The following NUDT10 variants were observed in gnomAD, a reference collection of about 807,000 sequenced individuals.
The protein encoded by NUDT10 is diphosphoinositol polyphosphate phosphohydrolase 3-alpha.
Under a neutral mutation model 10.5 loss-of-function variants are expected in NUDT10, and 2 were observed. The observed-to-expected ratio is 0.19, with a 90% CI of 0.08 to 0.60. NUDT10 has a LOEUF of 0.60. Ranked by LOEUF, NUDT10 falls within the 20% of genes least tolerant of loss-of-function variation. The pLI is 0.89. For synonymous variants in NUDT10, 53 were observed against 71.8 expected, an observed-to-expected ratio of 0.74 and a Z score of 1.32; for missense variants, 75 against 149.5, an observed-to-expected ratio of 0.50 and a Z score of 2.60.
At chrX:51,333,894 G>T (rs1602071366) in intron 1 of NUDT10, among the ~76,000 whole-genome samples, 2 of 110,223 alleles carry the variant, frequency 1.8e-5, no homozygotes, top group South Asian at 8.0e-4. Context: ...GGTTTGTTTG[G>T]TAGTGGAGGC....
chrX:51,334,870 C>CT (rs1276910354), intron 1 of NUDT10, among the ~76,000 whole-genome samples: 6 of 108,090 alleles, frequency 5.6e-5, no homozygotes, highest in South Asian at 4.0e-4. Context: ...GGTCCCTTAA[C>CT]TTTTTTTTTT....
At chrX:51,333,749 C>CGGGGGGGGGGGGGGGGG (rs1252405750) in intron 1 of NUDT10, among the ~76,000 whole-genome samples, 2 of 12,486 alleles carry the variant, frequency 1.6e-4, no homozygotes, top group African/African-American at 3.5e-4. Context: ...TGCTTTTGGG[C>CGGGGGGGGGGGGGGGGG]GGGGGGGGGG....
chrX:51,336,170 A>G (rs1986364844), intron 1 of NUDT10, 69 bp from the exon 2 acceptor site: 1 of 534,387 alleles, frequency 1.9e-6, no homozygotes, highest in Non-Finnish European at 3.4e-6. Flanking sequence ...TAGGTGCTCA[A>G]TAAGTATTTG....
intron 1 of NUDT10, among the ~76,000 whole-genome samples, chrX:51,333,760 GGGGT>G (rs1922756856): frequency 1.5e-5 from 1 of 68,648 alleles, no homozygotes; most frequent in Admixed American, 1.6e-4. Flanking sequence ...GGGGGGGGGG[GGGGT>G]GGGGGGCGAG....
At chrX:51,332,394 G>A (rs1485567436), upstream of NUDT10, 1 of 113,705 alleles carries the variant, frequency 8.8e-6, no homozygotes, top group African/African-American at 3.2e-5. Context: ...GGCACACATG[G>A]AGGCAGTCTT....
In NUDT10 at chrX:51,336,835, C is replaced by T. The variant is rs979311223; in HGVS notation, c.*596C>T. The T allele has an allele frequency of 1.8e-5, 2 of 111,977 alleles. No individual in the cohort carries two copies. The highest frequency in any genetic ancestry group is 6.5e-5 in the African/African-American group (2 of 30,818). The allele number at this position is 111,977 out of a possible 1,213,427, so 9.2% of individuals were successfully genotyped here. ...ATTTGCAAAGCCAGGCACAGTGTTA[C>T]GCGTCTGCCTCAGGAGGCTGAGGCA... On this transcript the variant is annotated 3_prime_UTR_variant, in exon 2 of 2. Coordinates refer to ENST00000356450, the MANE Select transcript of NUDT10 (RefSeq NM_001304963.2).
At chrX:51,334,355 C>G (rs1242648600) in intron 1 of NUDT10, among the ~76,000 whole-genome samples, 2 of 112,167 alleles carry the variant, frequency 1.8e-5, no homozygotes, top group Non-Finnish European at 3.8e-5. Flanking sequence ...TTGCCCCTTA[C>G]TGGATACCAT....
Position 51,332,828 on chromosome X carries a change from C to T in NUDT10, c.-138C>T. The T allele has an allele frequency of 1.0e-6, 1 of 969,821 alleles. No individual in the cohort carries two copies. Among genetic ancestry groups the T allele is most frequent in the South Asian group, 2.7e-5 (1 of 37,120 alleles). The allele number at this position is 969,821 out of a possible 1,213,427, so 79.9% of individuals were successfully genotyped here. On this transcript the variant is annotated 5_prime_UTR_variant, in exon 1 of 2. Coordinates refer to ENST00000356450, the MANE Select transcript of NUDT10 (RefSeq NM_001304963.2). ...GCTCCCCGGGCTCGGGGGCAGACGG[C>T]AGACGGAGGCGCCTCTCTCTCCCCG...
At chrX:51,335,387 T>TA (rs1377430010) in intron 1 of NUDT10, among the ~76,000 whole-genome samples, 4 of 109,728 alleles carry the variant, frequency 3.6e-5, no homozygotes, top group African/African-American at 1.3e-4. Flanking sequence ...TTTCTTATTC[T>TA]AAAAAAAATT....
In NUDT10 at chrX:51,336,327, C is replaced by G. The variant is rs1922838917; in HGVS notation, c.*88C>G. The G allele has an allele frequency of 1.9e-6, 1 of 521,154 alleles. No individual in the cohort carries two copies. Among genetic ancestry groups the G allele is most frequent in the Admixed American group, 2.5e-5 (1 of 39,875 alleles). 42.9% of individuals were successfully genotyped at this position (521,154 alleles called of 1,213,427 possible). On this transcript the variant is annotated 3_prime_UTR_variant, in exon 2 of 2. Coordinates refer to ENST00000356450, the MANE Select transcript of NUDT10 (RefSeq NM_001304963.2). ...AATGGAATTGTGAAGCACAGATGAG[C>G]TCTTTCACACTCCAAGGACACAGCT...
Position 51,332,849 on chromosome X carries a change from C to G in NUDT10, c.-117C>G. Reference sequence around the variant, plus strand: ...ACGGCAGACGGAGGCGCCTCTCTCTCCCCGCCCCTCTCCTCGGCCCTTTCT... The same window carrying G: ...ACGGCAGACGGAGGCGCCTCTCTCTGCCCGCCCCTCTCCTCGGCCCTTTCT... On this transcript the variant is annotated 5_prime_UTR_variant, in exon 1 of 2. Coordinates refer to ENST00000356450, the MANE Select transcript of NUDT10 (RefSeq NM_001304963.2). 9.6e-7 allele frequency: 1 copy of G among 1,046,485 alleles called. No individual in the cohort carries two copies. Among genetic ancestry groups the G allele is most frequent in the East Asian group, 3.3e-5 (1 of 30,224 alleles). 86.2% of individuals were successfully genotyped at this position (1,046,485 alleles called of 1,213,427 possible).
At chrX:51,332,730 C>T (rs1922699235), upstream of NUDT10, 4 of 435,207 alleles carry the variant, frequency 9.2e-6, no homozygotes, top group Admixed American at 9.4e-5. Context: ...ATCGGACTGG[C>T]GGACTGGCTG....
chrX:51,334,952 A>G (rs1557312613), intron 1 of NUDT10, among the ~76,000 whole-genome samples: 2 of 110,226 alleles, frequency 1.8e-5, no homozygotes, highest in Admixed American at 1.9e-4. Context: ...CGCTATGTAA[A>G]TTCTAGGTTC....
rs782339243 is a variant in NUDT10 at position 51,333,376 on chromosome X, C to T, written c.411C>T (p.Ala137=). ...TCCAGTGCCACAAGCCCGTGCACGC[C>T]GAATATCTGGAGAAACTAAAGCTGG... The part of the protein sequence containing the change: ...KVLQCHKPVH[A]EYLEKLKLGG... Residue 137 remains alanine (A), a synonymous_variant, in exon 1 of 2, where the codon GCC becomes GCT. Transcript: ENST00000356450. The T allele has an allele frequency of 1.7e-6, 2 of 1,209,199 alleles. No homozygotes were observed. The highest frequency in any genetic ancestry group is 2.2e-5 in the Admixed American group (1 of 45,959).
rs905022813 is a variant in NUDT10 at position 51,337,409 on chromosome X, G to A, written c.*1170G>A. The stretch of plus-strand genomic sequence containing the variant: ...AGTGCATTGGAAATATTGATGAAAC[G>A]AAATTGGCCTTGATAATTGTTGAAG... On this transcript the variant is annotated 3_prime_UTR_variant, in exon 2 of 2. Transcript: ENST00000356450. 2.7e-5 allele frequency: 3 copies of A among 111,749 alleles called. No individual in the cohort carries two copies. Among genetic ancestry groups the A allele is most frequent in the Non-Finnish European group, 5.6e-5 (3 of 53,194 alleles). 9.2% of individuals were successfully genotyped at this position (111,749 alleles called of 1,213,427 possible). A position where few individuals can be genotyped will look rare whatever the true frequency, so the allele number is the denominator to read the frequency against.
At chrX:51,332,408 CAA>C (rs1557312091), upstream of NUDT10, 1 of 114,011 alleles carries the variant, frequency 8.8e-6, no homozygotes, top group Non-Finnish European at 1.8e-5. Flanking sequence ...CAGTCTTGGC[CAA>C]AGTCACAATG....
chrX:51,335,232 C>A (rs1456391113), intron 1 of NUDT10, among the ~76,000 whole-genome samples: 2 of 103,714 alleles, frequency 1.9e-5, no homozygotes, highest in Non-Finnish European at 3.9e-5. Context: ...GTAGGAGAAT[C>A]GCTTGATCCC....
Position 51,333,164 on chromosome X carries a change from TACGAAGAGGCGGG to T in NUDT10, c.201_213del (p.Tyr67Ter). 9.9e-6 allele frequency: 12 copies of T among 1,210,090 alleles called. No homozygotes were observed. Among genetic ancestry groups the T allele is most frequent in the Non-Finnish European group, 1.1e-5 (10 of 894,937 alleles). ...GGGCGGTGCGGCGGTCCGAGAGGTG[TACGAAGAGGCGGG>T]AGTCAAGGGGAAGTTAGGCCGGCTC... On this transcript the variant is annotated frameshift_variant, in exon 1 of 2. Transcript: ENST00000356450. LOFTEE classifies it high-confidence loss of function.
At position 51,332,857 on chromosome X, in the gene NUDT10, C is replaced by A. The variant is rs1602070432; in HGVS notation, c.-109C>A. ...CGGAGGCGCCTCTCTCTCCCCGCCC[C>A]TCTCCTCGGCCCTTTCTCTTCCCAG... On this transcript the variant is annotated 5_prime_UTR_variant, in exon 1 of 2. Transcript: ENST00000356450. 3 of 1,070,475 alleles carry A rather than the reference C, an allele frequency of 2.8e-6. No individual in the cohort carries two copies. In the South Asian group the frequency reaches 7.1e-5, roughly 25 times the overall value. The allele number at this position is 1,070,475 out of a possible 1,213,427, so 88.2% of individuals were successfully genotyped here. A position where few individuals can be genotyped will look rare whatever the true frequency, so the allele number is the denominator to read the frequency against.
Sources: gnomAD v4.1 joint callset for allele counts (sites outside exome capture counted in the v4.1 genomes callset) on GRCh38, gnomAD v4.1.1 for gene constraint, MANE v1.5 for transcripts, NCBI Gene and HGNC (gene_info 2026-07-23, HGNC 2026-07-21) for gene names.